STK3: variants seen among roughly 807,000 people sequenced by gnomAD.
STK3 encodes serine/threonine kinase 3.
Under a neutral mutation model 58.0 loss-of-function variants are expected in STK3, and 41 were observed. That is an observed-to-expected ratio of 0.71 (90% CI 0.55 to 0.92). STK3 has a LOEUF of 0.92. Among genes scored for constraint, STK3 ranks in the 40% least tolerant of loss-of-function variants. The pLI is 0.00. For missense variants in STK3, 479 were observed against 602.7 expected (o/e 0.79, Z 2.15); for synonymous variants, 170 against 191.0 (o/e 0.89, Z 0.91).
intron 1 of STK3, among the ~76,000 whole-genome samples, chr8:98,820,049 C>T (rs777723634): frequency 2.5e-4 from 38 of 152,114 alleles, no homozygotes; most frequent in Non-Finnish European, 4.7e-4. Context: ...TTCTGCTTAA[C>T]TCCTCTATAT....
chr8:98,639,683 T>A (rs1478542118), intron 6 of STK3, among the ~76,000 whole-genome samples: 2 of 152,238 alleles, frequency 1.3e-5, no homozygotes, highest in African/African-American at 4.8e-5. Context: ...TTCATTATGC[T>A]TTTACAATCA....
intron 8 of STK3, among the ~76,000 whole-genome samples, chr8:98,567,474 A>C (rs775352686): frequency 4.6e-5 from 7 of 152,194 alleles, no homozygotes. Flanking sequence ...CTAGGATTAC[A>C]GGCATGAGCC....
chr8:98,645,372 G>C (rs1282175990), intron 6 of STK3, among the ~76,000 whole-genome samples: 1 of 152,100 alleles, frequency 6.6e-6, no homozygotes, highest in Non-Finnish European at 1.5e-5. Context: ...GTCAAACCTG[G>C]ATCTCTGACT....
chr8:98,799,060 T>G (rs1467562120), intron 1 of STK3, among the ~76,000 whole-genome samples: 5 of 152,166 alleles, frequency 3.3e-5, no homozygotes, highest in African/African-American at 1.2e-4. Flanking sequence ...AATAAATTTC[T>G]CTTCTTTATA....
At chr8:98,784,373 G>A (rs989685508) in intron 1 of STK3, among the ~76,000 whole-genome samples, 2 of 152,186 alleles carry the variant, frequency 1.3e-5, no homozygotes, top group African/African-American at 4.8e-5. Flanking sequence ...GAGAAGAGCT[G>A]CTACAGCTAT....
intron 3 of STK3, among the ~76,000 whole-genome samples, chr8:98,848,072 C>A (rs958337021): frequency 6.6e-6 from 1 of 152,050 alleles, no homozygotes; most frequent in East Asian, 1.9e-4. Context: ...ATTTCCATGC[C>A]GCACAATTCA....
At chr8:98,909,295 T>C (rs934839425) in intron 1 of STK3, among the ~76,000 whole-genome samples, 2 of 152,236 alleles carry the variant, frequency 1.3e-5, no homozygotes, top group African/African-American at 2.4e-5. Context: ...ATCAGGATAG[T>C]TGACCTTTTT....
chr8:98,908,347 G>A (rs2131973577), intron 1 of STK3, among the ~76,000 whole-genome samples: 1 of 152,342 alleles, frequency 6.6e-6, no homozygotes, highest in Admixed American at 6.5e-5. Context: ...ATAATGGGTT[G>A]GTTTCCTAAC....
intron 10 of STK3, among the ~76,000 whole-genome samples, chr8:98,463,560 T>C (rs1586623177): frequency 6.6e-6 from 1 of 152,106 alleles, no homozygotes; most frequent in African/African-American, 2.4e-5. Flanking sequence ...TTCTGAACTC[T>C]ACAAGAAGTA....
chr8:98,900,738 T>C (rs1254129743), intron 1 of STK3, among the ~76,000 whole-genome samples: 1 of 151,760 alleles, frequency 6.6e-6, no homozygotes, highest in Non-Finnish European at 1.5e-5. Flanking sequence ...CTTAGCTCAC[T>C]GCAACCTCCC....
intron 6 of STK3, among the ~76,000 whole-genome samples, chr8:98,689,335 T>C (rs956587745): frequency 6.6e-6 from 1 of 151,994 alleles, no homozygotes; most frequent in East Asian, 1.9e-4. Context: ...ATAAAACTAT[T>C]ACAAAAAATC....
chr8:98,808,656 AC>A (rs1174756686), intron 1 of STK3, among the ~76,000 whole-genome samples: 1 of 152,124 alleles, frequency 6.6e-6, no homozygotes, highest in South Asian at 2.1e-4. Context: ...CATTTCCCAA[AC>A]TTTTTCATCA....
chr8:98,927,939 C>A (rs1839863297), intron 1 of STK3, among the ~76,000 whole-genome samples: 1 of 152,190 alleles, frequency 6.6e-6, no homozygotes, highest in African/African-American at 2.4e-5. Flanking sequence ...AACTCATGGA[C>A]TTTTCGGTTA....
At chr8:98,620,716 A>G (rs1380836931) in intron 6 of STK3, among the ~76,000 whole-genome samples, 1 of 151,696 alleles carries the variant, frequency 6.6e-6, no homozygotes, top group Admixed American at 6.6e-5. Context: ...TAAAATATGA[A>G]AAAAGTTAAA....
chr8:98,924,275 T>G (rs1839700211), intron 1 of STK3, among the ~76,000 whole-genome samples: 1 of 152,238 alleles, frequency 6.6e-6, no homozygotes, highest in African/African-American at 2.4e-5. Context: ...GCTTCCCTTG[T>G]CAATAAATAA....
intron 4 of STK3, among the ~76,000 whole-genome samples, chr8:98,708,997 C>T (rs1012672759): frequency 6.6e-6 from 1 of 151,758 alleles, no homozygotes; most frequent in Admixed American, 6.6e-5. Flanking sequence ...TTCTGCCTGA[C>T]CCCTGACTTA....
At chr8:98,596,441 GA>G in intron 6 of STK3, 1 of 264,758 alleles carries the variant, frequency 3.8e-6, no homozygotes, top group Non-Finnish European at 7.3e-6. Flanking sequence ...CTCTAAAGAA[GA>G]CTATATTTCT....
intron 3 of STK3, among the ~76,000 whole-genome samples, chr8:98,757,723 T>A (rs896948672): frequency 1.3e-5 from 2 of 152,068 alleles, no homozygotes; most frequent in African/African-American, 4.8e-5. Context: ...TCTTTTTTTT[T>A]AAGTAATTCA....
chr8:98,763,979 T>C (rs1428455870), intron 3 of STK3, among the ~76,000 whole-genome samples: 1 of 152,202 alleles, frequency 6.6e-6, no homozygotes, highest in African/African-American at 2.4e-5. Context: ...CCGGCCCTAA[T>C]TTATTTTTTA....
Sources: allele counts gnomAD v4.1 joint callset (sites outside exome capture counted in the v4.1 genomes callset), GRCh38; gene constraint gnomAD v4.1.1; transcripts MANE v1.5; gene names NCBI Gene and HGNC (gene_info 2026-07-23, HGNC 2026-07-21).